GRIK4: variants seen among roughly 807,000 people sequenced by gnomAD.
GRIK4 encodes the protein glutamate ionotropic receptor kainate type subunit 4.
Under a neutral mutation model 104.9 loss-of-function variants are expected in GRIK4, and 40 were observed. The observed-to-expected ratio is 0.38, with a 90% CI of 0.30 to 0.50. The LOEUF is 0.50. GRIK4 is among the 20% of genes least tolerant of loss of function. GRIK4 has a pLI of 0.93. For synonymous variants in GRIK4, 485 were observed against 524.9 expected, an observed-to-expected ratio of 0.92 and a Z score of 1.04; for missense variants, 1,047 against 1,308.1, an observed-to-expected ratio of 0.80 and a Z score of 3.08.
At position 120,919,610 on chromosome 11, in the gene GRIK4, T is replaced by G. The variant is rs150585364; in HGVS notation, c.1476+14117T>G. Among the ~76,000 whole-genome samples the G allele has an allele frequency of 2.5e-3, 381 of 152,258 alleles. 2 individuals are homozygous for G. The highest frequency in any genetic ancestry group is 8.4e-3 in the African/African-American group (348 of 41,552). ...CGAGCTTAGGTTTGAGAACCACTGA[T>G]TCCCAATGCTGCTTGAGTCTCAGCT... On this transcript the variant is annotated intron_variant, in intron 13 of 20. Transcript: ENST00000527524.
intron 16 of GRIK4, 122 bp from the exon 17 acceptor site, chr11:120,960,787 C>A: frequency 1.5e-6 from 1 of 688,006 alleles, no homozygotes; most frequent in Admixed American, 3.2e-5. Flanking sequence ...CCCCACTAAG[C>A]TGAAAGCTCT....
At chr11:120,640,786 G>A (rs543842592) in intron 1 of GRIK4, among the ~76,000 whole-genome samples, 1 of 151,432 alleles carries the variant, frequency 6.6e-6, no homozygotes, top group Non-Finnish European at 1.5e-5. Context: ...TCAGCTCACT[G>A]CAACCTCCAT....
At chr11:120,687,880 G>T (rs2135302506) in intron 3 of GRIK4, among the ~76,000 whole-genome samples, 1 of 152,302 alleles carries the variant, frequency 6.6e-6, no homozygotes, top group East Asian at 1.9e-4. Context: ...AGAATGGCCA[G>T]AAAACACTCT....
At chr11:120,798,157 CTTTTTTTTTT>C (rs539833846) in intron 3 of GRIK4, among the ~76,000 whole-genome samples, 4 of 68,088 alleles carry the variant, frequency 5.9e-5, no homozygotes, top group South Asian at 8.4e-4. Flanking sequence ...TCTGCTGTCT[CTTTTTTTTTT>C]TTTTTTTTTT....
At chr11:120,688,471 A>G (rs866806333) in intron 3 of GRIK4, among the ~76,000 whole-genome samples, 1 of 152,318 alleles carries the variant, frequency 6.6e-6, no homozygotes, top group East Asian at 1.9e-4. Context: ...CTGCCTCACC[A>G]TGAAGAAGGC....
chr11:120,814,593 C>G (rs1952895228), intron 4 of GRIK4, among the ~76,000 whole-genome samples: 1 of 152,052 alleles, frequency 6.6e-6, no homozygotes, highest in East Asian at 1.9e-4. Flanking sequence ...GGTGCGACTC[C>G]ATCTCAATAA....
intron 13 of GRIK4, among the ~76,000 whole-genome samples, chr11:120,913,439 A>C (rs1009940243): frequency 6.6e-6 from 1 of 151,620 alleles, no homozygotes; most frequent in Non-Finnish European, 1.5e-5. Context: ...TTGGTCAAGT[A>C]CTGAGCTGTA....
intron 3 of GRIK4, among the ~76,000 whole-genome samples, chr11:120,673,276 A>G (rs1342687343): frequency 6.6e-6 from 1 of 152,220 alleles, no homozygotes; most frequent in African/African-American, 2.4e-5. Flanking sequence ...ATATCTACTG[A>G]ATGAATGAAT....
At chr11:120,917,722 G>T (rs1361505790) in intron 13 of GRIK4, among the ~76,000 whole-genome samples, 1 of 152,164 alleles carries the variant, frequency 6.6e-6, no homozygotes, top group Admixed American at 6.5e-5. Flanking sequence ...GATCTGGAAG[G>T]GTTTGGAGTT....
chr11:120,701,286 T>TA (rs887925434), intron 3 of GRIK4, among the ~76,000 whole-genome samples: 58 of 152,316 alleles, frequency 3.8e-4, no homozygotes, highest in African/African-American at 1.1e-3. Flanking sequence ...CCTACCCCTC[T>TA]ACCATGCCCA....
At chr11:120,625,417 C>T (rs1024452253) in intron 1 of GRIK4, among the ~76,000 whole-genome samples, 12 of 152,036 alleles carry the variant, frequency 7.9e-5, no homozygotes, top group African/African-American at 2.2e-4. Context: ...AGAGCAGAGC[C>T]GGGGGAGGCG....
chr11:120,606,436 G>T (rs1948964188), intron 1 of GRIK4, among the ~76,000 whole-genome samples: 1 of 152,212 alleles, frequency 6.6e-6, no homozygotes, highest in African/African-American at 2.4e-5. Flanking sequence ...GGAAAGACAA[G>T]GTCTCTGCCA....
intron 3 of GRIK4, among the ~76,000 whole-genome samples, chr11:120,769,236 T>G (rs1006507267): frequency 4.6e-5 from 7 of 152,150 alleles, no homozygotes; most frequent in African/African-American, 1.7e-4. Context: ...TGTTCAAGCT[T>G]TCTGTTTCTT....
In GRIK4 at chr11:120,879,663, C is replaced by T. The variant is rs138813249; in HGVS notation, c.1164+4420C>T. On this transcript the variant is annotated intron_variant, in intron 11 of 20. Coordinates refer to ENST00000527524, the MANE Select transcript of GRIK4 (RefSeq NM_014619.5). The stretch of plus-strand genomic sequence containing the variant: ...AGATTGCAGGGTCAGGGACAATTCC[C>T]TGTTGTGCCCTGTCAGTGACATTTC... Among the ~76,000 whole-genome samples the T allele has an allele frequency of 5.3e-4, 81 of 152,312 alleles. 2 individuals carry two copies. In the East Asian group the frequency reaches 0.014, roughly 26 times the overall value.
chr11:120,943,816 C>T (rs113876639), intron 14 of GRIK4, among the ~76,000 whole-genome samples: 219 of 152,226 alleles, frequency 1.4e-3, no homozygotes, highest in African/African-American at 4.7e-3. Flanking sequence ...ACTTAGAGTG[C>T]CTAGTTAAGA....
At chr11:120,718,505 ACTCTC>A (rs370784407) in intron 3 of GRIK4, among the ~76,000 whole-genome samples, 1 of 151,836 alleles carries the variant, frequency 6.6e-6, no homozygotes, top group African/African-American at 2.4e-5. Flanking sequence ...GTTCCCTGCC[ACTCTC>A]CTCTCTAGCG....
rs570527993 is a variant in GRIK4, at chr11:120,762,350, A to G, written c.83-40343A>G. Among the ~76,000 whole-genome samples, 65 of 152,316 alleles carry G rather than the reference A, an allele frequency of 4.3e-4. No individual in the cohort carries two copies. The South Asian group carries it at 5.2e-3, about 12-fold the overall frequency. On this transcript the variant is annotated intron_variant, in intron 3 of 20. Coordinates refer to ENST00000527524, the MANE Select transcript of GRIK4 (RefSeq NM_014619.5). ...CTTAAGGAGTTTTTGGACTCAGACA[A>G]TGGGGTTTTCTAAATACACAATCAT... is the stretch of plus-strand genomic sequence containing the variant.
Position 120,726,934 on chromosome 11 carries a change from T to C in GRIK4, c.82+66534T>C, listed in dbSNP as rs1951037892. On this transcript the variant is annotated intron_variant, in intron 3 of 20. Coordinates refer to ENST00000527524, the MANE Select transcript of GRIK4 (RefSeq NM_014619.5). Reference sequence around the variant, plus strand: ...ACAATAAAACTAGGTGACGGGAGTATTTCCATGAACTTCCAAATACAATAG... The same window carrying C: ...ACAATAAAACTAGGTGACGGGAGTACTTCCATGAACTTCCAAATACAATAG... Among the ~76,000 whole-genome samples, 6 of 152,248 alleles carry C rather than the reference T, an allele frequency of 3.9e-5. 1 individual carries two copies. The South Asian group carries it at 1.2e-3, about 32-fold the overall frequency.
chr11:120,754,629 A>G (rs1284670224), intron 3 of GRIK4, among the ~76,000 whole-genome samples: 1 of 152,180 alleles, frequency 6.6e-6, no homozygotes, highest in Non-Finnish European at 1.5e-5. Context: ...TGCTAATCAT[A>G]TGGTAAATCT....
Sources: gnomAD v4.1 joint callset for allele counts (sites outside exome capture counted in the v4.1 genomes callset) on GRCh38, gnomAD v4.1.1 for gene constraint, MANE v1.5 for transcripts, NCBI Gene and HGNC (gene_info 2026-07-23, HGNC 2026-07-21) for gene names.